The following ARSK variants were observed in gnomAD, a reference collection of about 807,000 sequenced individuals.
ARSK encodes the protein arylsulfatase K.
In ARSK, 37 loss-of-function variants were observed where a neutral mutation model predicts 53.2. The ratio of observed to expected loss-of-function variants is 0.70; its 90% CI spans 0.54 to 0.92. The LOEUF is 0.92. Among genes scored for constraint, ARSK ranks in the 40% least tolerant of loss-of-function variants. ARSK has a pLI of 0.00. For synonymous variants in ARSK, 208 were observed against 223.2 expected (o/e 0.93, Z 0.61); for missense variants, 613 against 643.0 (o/e 0.95, Z 0.51).
chr5:95,555,473 T>G lies in ARSK; in HGVS notation c.126+69T>G. The G allele has an allele frequency of 6.6e-7, 1 of 1,515,890 alleles. No individual in the cohort carries two copies. Among genetic ancestry groups the G allele is most frequent in the Non-Finnish European group, 8.9e-7 (1 of 1,125,520 alleles). The allele number at this position is 1,515,890 out of a possible 1,614,324, so 93.9% of individuals were successfully genotyped here. ...GCGACCTCACCGCCGCCGCCTGTGCTGCAGGCTTTGGGGAGCAGAACCTGA... is the reference window on the plus strand; with the variant it reads ...GCGACCTCACCGCCGCCGCCTGTGCGGCAGGCTTTGGGGAGCAGAACCTGA... On this transcript the variant is annotated intron_variant, in intron 1 of 7. Coordinates refer to ENST00000380009, the MANE Select transcript of ARSK (RefSeq NM_198150.3). The surrounding 1 kb of genome is among the most constrained non-coding windows in gnomAD (Gnocchi z 4.0).
At chr5:95,595,970 A>G (rs948849025) in intron 6 of ARSK, among the ~76,000 whole-genome samples, 2 of 152,218 alleles carry the variant, frequency 1.3e-5, no homozygotes, top group Non-Finnish European at 1.5e-5. Context: ...TACTGTGTCC[A>G]TCTAATTTAC....
intron 7 of ARSK, 89 bp downstream of exon 7, chr5:95,601,160 T>A: frequency 8.3e-7 from 1 of 1,203,392 alleles, no homozygotes; most frequent in Non-Finnish European, 1.2e-6. Context: ...TAATCCTTGT[T>A]AAATAAATGA....
At position 95,555,354 on chromosome 5, in the gene ARSK, C is replaced by T. The variant is rs761530133; in HGVS notation, c.76C>T (p.Arg26Trp). ...GGCCCCCGGAGCAGGGGAGCAGAGG[C>T]GGAGAGCAGCCAAAGCGCCCAATGT... ...VLAPGAGEQR[R>W]RAAKAPNVVL... Residue 26 changes from arginine (R) to tryptophan (W), a missense_variant, in exon 1 of 8, where the codon CGG becomes TGG. By Grantham distance (101) the Arg-to-Trp change is moderately radical. Coordinates refer to ENST00000380009, the MANE Select transcript of ARSK (RefSeq NM_198150.3). The surrounding 1 kb of genome is among the most constrained non-coding windows in gnomAD (Gnocchi z 4.0). The T allele has an allele frequency of 6.3e-5, 101 of 1,609,770 alleles. No individual in the cohort carries two copies. In the Admixed American group the frequency reaches 1.6e-3, roughly 26 times the overall value.
At chr5:95,560,521 A>G (rs1748610970) in intron 1 of ARSK, among the ~76,000 whole-genome samples, 1 of 152,192 alleles carries the variant, frequency 6.6e-6, no homozygotes, top group Non-Finnish European at 1.5e-5. Context: ...AATAGGATCT[A>G]AAGTCCAGAA....
At chr5:95,599,705 T>G (rs1749366366) in intron 6 of ARSK, among the ~76,000 whole-genome samples, 1 of 152,216 alleles carries the variant, frequency 6.6e-6, no homozygotes, top group African/African-American at 2.4e-5. Context: ...CTTGTGATAG[T>G]CTTCTTCCAA....
At chr5:95,597,372 G>T (rs1489090587) in intron 6 of ARSK, among the ~76,000 whole-genome samples, 1 of 152,110 alleles carries the variant, frequency 6.6e-6, no homozygotes, top group East Asian at 1.9e-4. Context: ...GACCTTAGTG[G>T]AAGCCTGGGG....
In ARSK at chr5:95,562,900, G is replaced by C. The variant is rs574475930; in HGVS notation, c.127-3098G>C. On this transcript the variant is annotated intron_variant, in intron 1 of 7. Transcript: ENST00000380009. Reference sequence around the variant, plus strand: ...AAAGCCATTTTTCAAGATTTTCTCTGCCAACTAAATTTGACAGAACTGTGT... The same window carrying C: ...AAAGCCATTTTTCAAGATTTTCTCTCCCAACTAAATTTGACAGAACTGTGT... Among the ~76,000 whole-genome samples the C allele has an allele frequency of 1.6e-3, 239 of 152,280 alleles. 3 individuals carry two copies. Among genetic ancestry groups the C allele is most frequent in the African/African-American group, 5.6e-3 (233 of 41,562 alleles).
At chr5:95,597,922 G>A in intron 6 of ARSK, among the ~76,000 whole-genome samples, 1 of 150,736 alleles carries the variant, frequency 6.6e-6, no homozygotes, top group Admixed American at 6.6e-5. Context: ...GCGGGTAATA[G>A]TGGCTATTTC....
At position 95,563,892 on chromosome 5, in the gene ARSK, A is replaced by C. The variant is rs557813336; in HGVS notation, c.127-2106A>C. Among the ~76,000 whole-genome samples, 8 of 152,274 alleles carry C rather than the reference A, an allele frequency of 5.3e-5. No individual in the cohort carries two copies. The South Asian group carries it at 1.0e-3, about 20-fold the overall frequency. ...AAGATTGTAACCATAAGACATATAT[A>C]CATTTGGAATTTGTGAGGATAAATT... is the stretch of plus-strand genomic sequence containing the variant. On this transcript the variant is annotated intron_variant, in intron 1 of 7. Transcript: ENST00000380009.
chr5:95,597,632 G>T (rs1259004575), intron 6 of ARSK, among the ~76,000 whole-genome samples: 1 of 152,026 alleles, frequency 6.6e-6, no homozygotes, highest in South Asian at 2.1e-4. Flanking sequence ...GGTGGCTCAC[G>T]CCTGTAATCC....
chr5:95,597,347 C>T (rs941907605), intron 6 of ARSK, among the ~76,000 whole-genome samples: 3 of 152,008 alleles, frequency 2.0e-5, no homozygotes, highest in African/African-American at 7.3e-5. Flanking sequence ...AATTTCAAAA[C>T]CCTTCTTGTT....
Position 95,555,219 on chromosome 5 carries a change from G to C in ARSK, c.-60G>C. The stretch of plus-strand genomic sequence containing the variant: ...GCTGTCCCTGCCCTGCTCTGCTAGG[G>C]AGAGAACGCCAGAGGGAGGCGGCTG... On this transcript the variant is annotated 5_prime_UTR_variant, in exon 1 of 8. Transcript: ENST00000380009. This position sits in a 1 kb window ranked among gnomAD's most constrained non-coding sequence, Gnocchi z 4.0. The C allele has an allele frequency of 1.3e-6, 2 of 1,513,528 alleles. No individual in the cohort carries two copies. Among genetic ancestry groups the C allele is most frequent in the Non-Finnish European group, 1.8e-6 (2 of 1,124,222 alleles). 93.8% of individuals were successfully genotyped at this position (1,513,528 alleles called of 1,614,324 possible).
chr5:95,582,072 T>C (rs971982422), intron 3 of ARSK, among the ~76,000 whole-genome samples: 2 of 152,074 alleles, frequency 1.3e-5, no homozygotes, highest in African/African-American at 4.8e-5. Flanking sequence ...TATAAAATAT[T>C]TTTTATTTGT....
chr5:95,570,867 C>T (rs562056716), intron 3 of ARSK, among the ~76,000 whole-genome samples: 3 of 152,074 alleles, frequency 2.0e-5, no homozygotes, highest in African/African-American at 4.8e-5. Flanking sequence ...CTGCAACCTC[C>T]GCCTCCCGGG....
chr5:95,603,658 C>A lies in ARSK; in HGVS notation c.*132C>A. The A allele has an allele frequency of 1.3e-6, 1 of 783,306 alleles. No individual in the cohort carries two copies. Among genetic ancestry groups the A allele is most frequent in the South Asian group, 2.6e-5 (1 of 38,378 alleles). 48.5% of individuals were successfully genotyped at this position (783,306 alleles called of 1,614,324 possible). ...GGCACAGTGGCTCACACCTGTAATC[C>A]CAGGACTTTGGGAGGCTGAGGAAAG... On this transcript the variant is annotated 3_prime_UTR_variant, in exon 8 of 8. Coordinates refer to ENST00000380009, the MANE Select transcript of ARSK (RefSeq NM_198150.3).
intron 4 of ARSK, among the ~76,000 whole-genome samples, chr5:95,583,817 C>G (rs368216139): frequency 6.6e-6 from 1 of 152,132 alleles, no homozygotes; most frequent in African/African-American, 2.4e-5. Flanking sequence ...TTATTTCTTT[C>G]TAAATTTGGA....
chr5:95,585,137 C>T (rs1294129606), intron 4 of ARSK, among the ~76,000 whole-genome samples: 1 of 152,156 alleles, frequency 6.6e-6, no homozygotes, highest in African/African-American at 2.4e-5. Flanking sequence ...TGTGATACCA[C>T]CTTACTCCTG....
At position 95,604,484 on chromosome 5, in the gene ARSK, C is replaced by G. The variant is rs1329750039; in HGVS notation, c.*958C>G. 1 of 152,042 alleles carries G rather than the reference C, an allele frequency of 6.6e-6. No individual in the cohort carries two copies. Among genetic ancestry groups the G allele is most frequent in the Non-Finnish European group, 1.5e-5 (1 of 67,998 alleles). The allele number at this position is 152,042 out of a possible 1,614,324, so 9.4% of individuals were successfully genotyped here. On this transcript the variant is annotated 3_prime_UTR_variant, in exon 8 of 8. Transcript: ENST00000380009. ...ATAAACAAATGTATATATTCCTTTC[C>G]CCCTACACAAACGGTAACATACTGC...
intron 3 of ARSK, among the ~76,000 whole-genome samples, chr5:95,569,368 G>A (rs888073247): frequency 1.3e-5 from 2 of 151,900 alleles, no homozygotes; most frequent in African/African-American, 2.4e-5. Flanking sequence ...CCCAAATTTC[G>A]TGACCACCTA....
Sources: allele counts gnomAD v4.1 joint callset (sites outside exome capture counted in the v4.1 genomes callset), GRCh38; gene constraint gnomAD v4.1.1; non-coding constraint Gnocchi (gnomAD v3.1); transcripts MANE v1.5; gene names NCBI Gene and HGNC (gene_info 2026-07-23, HGNC 2026-07-21).